The following GAB2 variants were observed in gnomAD, a reference collection of about 807,000 sequenced individuals.
GAB2 encodes the protein GRB2-associated-binding protein 2.
A neutral mutation model predicts 65.5 loss-of-function variants in GAB2; 26 were observed. That is an observed-to-expected ratio of 0.40 (90% CI 0.29 to 0.55). The LOEUF is 0.55. Ranked by LOEUF, GAB2 falls within the 20% of genes least tolerant of loss-of-function variation. The pLI is 0.53. For synonymous variants in GAB2, 321 were observed against 329.6 expected (o/e 0.97, Z 0.28); for missense variants, 884 against 875.8 (o/e 1.01, Z -0.12).
chr11:78,284,878 A>G (rs914697186), intron 1 of GAB2, among the ~76,000 whole-genome samples: 9 of 152,114 alleles, frequency 5.9e-5, no homozygotes, highest in African/African-American at 2.2e-4. Context: ...GCTAGTAATC[A>G]ATATATATAT....
At chr11:78,368,526 A>C (rs986138828) in intron 1 of GAB2, among the ~76,000 whole-genome samples, 4 of 152,224 alleles carry the variant, frequency 2.6e-5, no homozygotes, top group Non-Finnish European at 5.9e-5. Flanking sequence ...ATTACTACAC[A>C]AATAGTCACA....
intron 1 of GAB2, among the ~76,000 whole-genome samples, chr11:78,397,469 T>G (rs568611627): frequency 2.6e-5 from 4 of 152,316 alleles, no homozygotes; most frequent in Middle Eastern, 3.4e-3. Context: ...ACAGGTGAAC[T>G]AGAGGAAGGA....
intron 1 of GAB2, among the ~76,000 whole-genome samples, chr11:78,342,501 C>T (rs1407778624): frequency 3.3e-5 from 5 of 151,540 alleles, no homozygotes; most frequent in Non-Finnish European, 7.4e-5. Flanking sequence ...CTCCGCCTCC[C>T]GGTTTCACGC....
intron 1 of GAB2, among the ~76,000 whole-genome samples, chr11:78,302,985 T>C (rs942674600): frequency 6.6e-6 from 1 of 152,200 alleles, no homozygotes; most frequent in African/African-American, 2.4e-5. Flanking sequence ...AAATGGGAGC[T>C]AAGCTATGAG....
chr11:78,236,444 C>G (rs1171434540), intron 3 of GAB2, among the ~76,000 whole-genome samples: 2 of 152,160 alleles, frequency 1.3e-5, no homozygotes, highest in African/African-American at 4.8e-5. Flanking sequence ...AACCACCACA[C>G]CAGGACTCTT....
In GAB2 at chr11:78,350,468, C is replaced by T. The variant is rs533214843; in HGVS notation, c.75+67178G>A. On this transcript the variant is annotated intron_variant, in intron 1 of 9. Transcript: ENST00000361507. ...CCCTAAACCCTCAGTTTCTCATGCA[C>T]TTCCTCTTTGAGGATTGCTCTGCTG... 5.9e-5 allele frequency among the ~76,000 whole-genome samples: 9 copies of T among 152,342 alleles called. No homozygotes were observed. In the South Asian group the frequency reaches 1.9e-3, roughly 32 times the overall value.
chr11:78,305,735 T>C (rs992893411), intron 1 of GAB2, among the ~76,000 whole-genome samples: 3 of 152,140 alleles, frequency 2.0e-5, no homozygotes, highest in African/African-American at 7.2e-5. Flanking sequence ...TTTAGATAAT[T>C]TTTCATCTTG....
intron 1 of GAB2, among the ~76,000 whole-genome samples, chr11:78,378,902 C>A (rs1183168096): frequency 1.3e-5 from 2 of 152,250 alleles, no homozygotes; most frequent in East Asian, 3.9e-4. Context: ...ATGCCCAATC[C>A]AAAATAATCA....
intron 2 of GAB2, among the ~76,000 whole-genome samples, chr11:78,277,296 G>A (rs1330870712): frequency 2.0e-5 from 3 of 152,116 alleles, no homozygotes; most frequent in African/African-American, 4.8e-5. Flanking sequence ...GGTACTTCTT[G>A]GACCCATTTC....
At chr11:78,294,133 T>C (rs1866758093) in intron 1 of GAB2, among the ~76,000 whole-genome samples, 1 of 152,164 alleles carries the variant, frequency 6.6e-6, no homozygotes, top group African/African-American at 2.4e-5. Context: ...GTGTTCTCAT[T>C]GTTCAATTCC....
At chr11:78,298,645 C>T (rs1303620151) in intron 1 of GAB2, among the ~76,000 whole-genome samples, 3 of 152,174 alleles carry the variant, frequency 2.0e-5, no homozygotes, top group African/African-American at 7.2e-5. Context: ...TGTTGCCAAC[C>T]CTTTAAATAT....
intron 1 of GAB2, among the ~76,000 whole-genome samples, chr11:78,307,278 A>C (rs971302489): frequency 6.6e-6 from 1 of 152,174 alleles, no homozygotes. Context: ...CTACCAAAGG[A>C]ATCAAAACTC....
At chr11:78,238,457 T>G (rs1463628431) in intron 3 of GAB2, among the ~76,000 whole-genome samples, 1 of 149,470 alleles carries the variant, frequency 6.7e-6, no homozygotes, top group Non-Finnish European at 1.5e-5. Flanking sequence ...TACTCCAGCC[T>G]AGGTGCCAGA....
chr11:78,350,379 G>T (rs2134703440), intron 1 of GAB2, among the ~76,000 whole-genome samples: 1 of 152,308 alleles, frequency 6.6e-6, no homozygotes, highest in Admixed American at 6.5e-5. Context: ...AACCTCCAAA[G>T]ACTGGAGTGA....
chr11:78,253,011 T>C (rs909485069), intron 2 of GAB2, among the ~76,000 whole-genome samples: 2 of 143,608 alleles, frequency 1.4e-5, no homozygotes, highest in Non-Finnish European at 3.0e-5. Context: ...TTCCTTTTTT[T>C]TTTTTTTTTT....
At chr11:78,357,988 A>G (rs145136383) in intron 1 of GAB2, among the ~76,000 whole-genome samples, 8,951 of 152,216 alleles carry the variant, frequency 0.059, 778 homozygotes, top group African/African-American at 0.2. Context: ...ATAAAGACAC[A>G]TGTACATGTA....
In GAB2 at chr11:78,223,482, G is replaced by T. The variant is rs1253395733; in HGVS notation, c.1497C>A (p.His499Gln). ...TCTCACTTCCTCTGCTGGGGCCTCG[G>T]TGCACAGGAAGGGTTGTTGATGGGT... The part of the protein sequence containing the change: ...LGYPSTTLPV[H>Q]RGPSRGSEIQ... The change falls in exon 6 of 10, where the codon CAC becomes CAA. Residue 499 changes from histidine (H) to glutamine (Q), a missense_variant. By Grantham distance (24) the His-to-Gln change is conservative. Transcript: ENST00000361507. The T allele has an allele frequency of 6.2e-7, 1 of 1,605,868 alleles. No individual in the cohort carries two copies. The highest frequency in any genetic ancestry group is 8.5e-7 in the Non-Finnish European group (1 of 1,175,290).
At chr11:78,409,364 G>C (rs969732582) in intron 1 of GAB2, among the ~76,000 whole-genome samples, 2 of 152,044 alleles carry the variant, frequency 1.3e-5, no homozygotes, top group East Asian at 1.9e-4. Flanking sequence ...GCAGGCGGAT[G>C]ACCTGAGGTC....
chr11:78,314,748 G>A (rs890675299), intron 1 of GAB2, among the ~76,000 whole-genome samples: 1 of 152,176 alleles, frequency 6.6e-6, no homozygotes, highest in Non-Finnish European at 1.5e-5. Context: ...TTGCATATGT[G>A]GAATGGTTAT....
Sources: gnomAD v4.1 joint callset for allele counts (sites outside exome capture counted in the v4.1 genomes callset) on GRCh38, gnomAD v4.1.1 for gene constraint, MANE v1.5 for transcripts, NCBI Gene and HGNC (gene_info 2026-07-23, HGNC 2026-07-21) for gene names.